The following ZBTB20 variants were observed in gnomAD, a reference collection of about 807,000 sequenced individuals.
The protein encoded by ZBTB20 is zinc finger and BTB domain containing 20, also known as zinc finger and BTB domain-containing protein 20.
Under a neutral mutation model 56.9 loss-of-function variants are expected in ZBTB20, and 9 were observed. That is an observed-to-expected ratio of 0.16 (90% CI 0.10 to 0.28). ZBTB20 has a LOEUF of 0.28. ZBTB20 is among the 10% of genes least tolerant of loss of function. The probability of loss-of-function intolerance (pLI) is 1.00; values close to 1 mark genes in which losing one functional copy is unlikely to be tolerated. For synonymous variants in ZBTB20, 417 were observed against 420.7 expected (o/e 0.99, Z 0.11); for missense variants, 655 against 1,003.0 (o/e 0.65, Z 4.69).
chr3:114,649,682 A>G (rs2060028387), intron 6 of ZBTB20, among the ~76,000 whole-genome samples: 1 of 152,016 alleles, frequency 6.6e-6, no homozygotes, highest in African/African-American at 2.4e-5. Flanking sequence ...TTCTAATCCA[A>G]ACTTTAATGA....
At chr3:114,942,339 A>C (rs9828603) in intron 3 of ZBTB20, among the ~76,000 whole-genome samples, 2 of 145,108 alleles carry the variant, frequency 1.4e-5, no homozygotes, top group South Asian at 4.3e-4. Flanking sequence ...CATTCAAATA[A>C]AGATTAATCA....
intron 6 of ZBTB20, among the ~76,000 whole-genome samples, chr3:114,515,651 A>G (rs2045904444): frequency 6.6e-6 from 1 of 152,134 alleles, no homozygotes; most frequent in South Asian, 2.1e-4. Flanking sequence ...GCATAGAGAA[A>G]ACAGAGGCCA....
Position 114,377,947 on chromosome 3 carries a change from G to A in ZBTB20, c.199+2270C>T, listed in dbSNP as rs2083848885. On this transcript the variant is annotated intron_variant, in intron 10 of 11. Transcript: ENST00000675478. ...TGAAAGCTTGGAACAACACACACTG[G>A]TGGAATGTTTCTGAAGTTAAAGAGA... Among the ~76,000 whole-genome samples the A allele has an allele frequency of 2.0e-5, 3 of 152,170 alleles. No individual in the cohort carries two copies. In the South Asian group the frequency reaches 6.2e-4, roughly 31 times the overall value.
intron 4 of ZBTB20, among the ~76,000 whole-genome samples, chr3:114,825,987 G>T (rs2073503720): frequency 6.6e-6 from 1 of 151,690 alleles, no homozygotes; most frequent in African/African-American, 2.4e-5. Flanking sequence ...ACTGTATGTT[G>T]AGGAATAGCA....
chr3:114,593,581 T>C (rs561312915), intron 6 of ZBTB20, among the ~76,000 whole-genome samples: 2 of 152,094 alleles, frequency 1.3e-5, no homozygotes, highest in African/African-American at 2.4e-5. Flanking sequence ...ACAGGGTTTG[T>C]CCACGTTGGT....
chr3:114,878,675 T>G (rs973045587), intron 4 of ZBTB20, among the ~76,000 whole-genome samples: 2 of 151,938 alleles, frequency 1.3e-5, no homozygotes, highest in Non-Finnish European at 2.9e-5. Context: ...TCACTATGAC[T>G]CTTCTCTCTG....
intron 3 of ZBTB20, among the ~76,000 whole-genome samples, chr3:114,949,426 G>A (rs2076988150): frequency 6.8e-6 from 1 of 146,238 alleles, no homozygotes; most frequent in South Asian, 2.1e-4. Flanking sequence ...ACTAAAAGAA[G>A]AAATTGATCA....
chr3:114,711,723 C>A (rs754213781), intron 5 of ZBTB20, among the ~76,000 whole-genome samples: 4 of 152,104 alleles, frequency 2.6e-5, no homozygotes, highest in Non-Finnish European at 5.9e-5. Flanking sequence ...TACTTTTATA[C>A]TATTTATTTT....
intron 7 of ZBTB20, among the ~76,000 whole-genome samples, chr3:114,438,942 G>A (rs1430127815): frequency 2.0e-5 from 3 of 152,022 alleles, no homozygotes; most frequent in Non-Finnish European, 4.4e-5. Context: ...AAATGGAAAA[G>A]CACATACCAC....
intron 6 of ZBTB20, among the ~76,000 whole-genome samples, chr3:114,670,968 T>C (rs1474154137): frequency 2.0e-5 from 3 of 152,138 alleles, no homozygotes; most frequent in African/African-American, 4.8e-5. Context: ...CTGGAGTTTA[T>C]TGTCTCAAGT....
intron 7 of ZBTB20, among the ~76,000 whole-genome samples, chr3:114,460,001 C>T (rs985571200): frequency 6.6e-6 from 1 of 151,918 alleles, no homozygotes; most frequent in African/African-American, 2.4e-5. Context: ...CTGGTTCTCT[C>T]AGTTTACAGA....
At chr3:114,671,768 A>G (rs1240894461) in intron 6 of ZBTB20, among the ~76,000 whole-genome samples, 1 of 152,156 alleles carries the variant, frequency 6.6e-6, no homozygotes, top group Non-Finnish European at 1.5e-5. Context: ...ATGTTTCACT[A>G]AAACAGCAAT....
intron 8 of ZBTB20, among the ~76,000 whole-genome samples, chr3:114,385,973 C>T (rs1416395596): frequency 1.3e-5 from 2 of 152,212 alleles, no homozygotes; most frequent in Non-Finnish European, 2.9e-5. Context: ...TTAGGACCAG[C>T]AATCTCTTCC....
chr3:114,926,348 T>G (rs1209597833), intron 3 of ZBTB20, among the ~76,000 whole-genome samples: 1 of 152,224 alleles, frequency 6.6e-6, no homozygotes, highest in Admixed American at 6.5e-5. Context: ...TTTACAGAGT[T>G]GTATTGTGTT....
intron 7 of ZBTB20, among the ~76,000 whole-genome samples, chr3:114,423,838 G>C (rs1463587260): frequency 2.0e-5 from 3 of 152,156 alleles, no homozygotes; most frequent in African/African-American, 7.2e-5. Context: ...TCTCATAAAA[G>C]TTAAAAATGA....
chr3:114,545,294 G>A (rs1029824400), intron 6 of ZBTB20, among the ~76,000 whole-genome samples: 6 of 152,156 alleles, frequency 3.9e-5, no homozygotes, highest in African/African-American at 1.4e-4. Flanking sequence ...CTTCTTCAGG[G>A]TGATCTGGAA....
intron 5 of ZBTB20, among the ~76,000 whole-genome samples, chr3:114,702,351 C>T (rs1017554229): frequency 2.0e-5 from 3 of 152,088 alleles, no homozygotes; most frequent in Non-Finnish European, 2.9e-5. Context: ...CTGTCTCAAA[C>T]CCTCCACCCC....
rs2108072183 is a variant in ZBTB20, at chr3:114,337,277, T to C, written c.*1728A>G. ...AATGCATCTTGATCTATAACAGGCT[T>C]CTCATAATGATGCTCTTTGTAGTTG... On this transcript the variant is annotated 3_prime_UTR_variant, in exon 12 of 12. Coordinates refer to ENST00000675478, the MANE Select transcript of ZBTB20 (RefSeq NM_001348800.3). 1 of 152,340 alleles carries C rather than the reference T, an allele frequency of 6.6e-6. No individual in the cohort carries two copies. The highest frequency in any genetic ancestry group is 2.1e-4 in the South Asian group (1 of 4,824). The allele number at this position is 152,340 out of a possible 1,614,324, so 9.4% of individuals were successfully genotyped here. A position where few individuals can be genotyped will look rare whatever the true frequency, so the allele number is the denominator to read the frequency against.
At chr3:115,047,640 A>C in intron 2 of ZBTB20, among the ~76,000 whole-genome samples, 1 of 152,238 alleles carries the variant, frequency 6.6e-6, no homozygotes, top group Non-Finnish European at 1.5e-5. Context: ...TGCAAAATTT[A>C]ATAAATGTAA....
Sources: gnomAD v4.1 joint callset for allele counts (sites outside exome capture counted in the v4.1 genomes callset) on GRCh38, gnomAD v4.1.1 for gene constraint, MANE v1.5 for transcripts, NCBI Gene and HGNC (gene_info 2026-07-23, HGNC 2026-07-21) for gene names.